Variants in SVOPL observed in about 807,000 individuals in gnomAD.
The protein encoded by SVOPL is SVOP like, also known as putative transporter SVOPL.
In SVOPL, 60 loss-of-function variants were observed where a neutral mutation model predicts 61.0. The observed-to-expected ratio is 0.98, with a 90% confidence interval of 0.80 to 1.22. SVOPL has a LOEUF of 1.22. SVOPL is among the 50% of genes most tolerant of loss of function. The pLI is 0.00. For missense variants in SVOPL, 662 were observed against 643.9 expected (o/e 1.03, Z -0.30); for synonymous variants, 279 against 250.0 (o/e 1.12, Z -1.09).
intron 14 of SVOPL, among the ~76,000 whole-genome samples, chr7:138,616,352 T>TC (rs1584785341): frequency 6.6e-6 from 1 of 151,628 alleles, no homozygotes; most frequent in Non-Finnish European, 1.5e-5. Flanking sequence ...TTTTTTTTTT[T>TC]TGAGATGGAG....
chr7:138,642,842 AAAAAAAAAG>A (rs1177377883), intron 9 of SVOPL, among the ~76,000 whole-genome samples: 332 of 17,604 alleles, frequency 0.019, 4 homozygotes, highest in Admixed American at 0.034. Context: ...AAAAAAAAAA[AAAAAAAAAG>A]AAGAAACAAA....
chr7:138,603,164 G>A (rs1798603411), intron 14 of SVOPL, among the ~76,000 whole-genome samples: 1 of 152,074 alleles, frequency 6.6e-6, no homozygotes, highest in African/African-American at 2.4e-5. Flanking sequence ...ATTATCTCTG[G>A]CAATAAATTA....
intron 1 of SVOPL, among the ~76,000 whole-genome samples, chr7:138,683,998 A>T (rs1802752197): frequency 6.6e-6 from 1 of 150,916 alleles, no homozygotes; most frequent in Non-Finnish European, 1.5e-5. Flanking sequence ...GGTTGCAGTG[A>T]GCCGAAATCA....
At chr7:138,699,172 G>A (rs1234546207) in intron 1 of SVOPL, among the ~76,000 whole-genome samples, 3 of 151,570 alleles carry the variant, frequency 2.0e-5, no homozygotes, top group Non-Finnish European at 2.9e-5. Flanking sequence ...GCTGGGTGTG[G>A]TAGCGGGTGT....
intron 14 of SVOPL, among the ~76,000 whole-genome samples, chr7:138,599,534 T>C (rs893960872): frequency 4.6e-5 from 7 of 152,196 alleles, no homozygotes; most frequent in Admixed American, 3.3e-4. Context: ...TGCTTTTTCA[T>C]TGTTTTGTTG....
intron 14 of SVOPL, 137 bp from the exon 15 acceptor site, chr7:138,596,667 C>A (rs905250808): frequency 1.4e-6 from 2 of 1,399,812 alleles, no homozygotes; most frequent in Admixed American, 2.8e-5. Context: ...ACCTTCCTGA[C>A]AAATTGATTT....
At chr7:138,615,476 G>C (rs1799250725) in intron 14 of SVOPL, among the ~76,000 whole-genome samples, 1 of 147,466 alleles carries the variant, frequency 6.8e-6, no homozygotes, top group Admixed American at 6.9e-5. Context: ...AGAATGGCGT[G>C]AATCAGGAGG....
chr7:138,616,711 T>A (rs995958499), intron 14 of SVOPL, among the ~76,000 whole-genome samples: 3 of 152,200 alleles, frequency 2.0e-5, no homozygotes, highest in Non-Finnish European at 4.4e-5. Flanking sequence ...ACTACTATTA[T>A]TTTTTACTAT....
rs140563076 is a variant in SVOPL, at chr7:138,657,816, TAAG to T, written c.471-1308_471-1306del. ...TGCTTTGACATCTCCTAACATATTT[TAAG>T]AATAATCTCCTCCAAGGCACCAAGA... On this transcript the variant is annotated intron_variant, in intron 6 of 15. Transcript: ENST00000674285. Among the ~76,000 whole-genome samples the T allele has an allele frequency of 6.5e-3, 986 of 152,274 alleles. 20 individuals carry two copies. Among genetic ancestry groups the T allele is most frequent in the African/African-American group, 0.022 (919 of 41,542 alleles).
At chr7:138,686,623 T>G in intron 1 of SVOPL, among the ~76,000 whole-genome samples, 1 of 73,526 alleles carries the variant, frequency 1.4e-5, no homozygotes, top group African/African-American at 7.8e-5. Context: ...TGCAGTGCAA[T>G]GGCGTGGTCC....
chr7:138,627,234 A>G, intron 12 of SVOPL, 116 bp downstream of exon 12: 2 of 729,190 alleles, frequency 2.7e-6, no homozygotes, highest in South Asian at 1.8e-5. Context: ...CAAGCAGCCC[A>G]TTCTCTACTC....
intron 1 of SVOPL, among the ~76,000 whole-genome samples, chr7:138,694,201 G>A (rs1022984866): frequency 2.0e-5 from 3 of 152,206 alleles, no homozygotes; most frequent in East Asian, 1.9e-4. Context: ...AGTCAAACAC[G>A]TATACAACGA....
intron 3 of SVOPL, among the ~76,000 whole-genome samples, chr7:138,673,908 G>A (rs1802490481): frequency 6.6e-6 from 1 of 152,170 alleles, no homozygotes; most frequent in African/African-American, 2.4e-5. Flanking sequence ...GGACTGACCA[G>A]GCGAGGTGGC....
At chr7:138,638,722 G>A (rs1800627404) in intron 9 of SVOPL, among the ~76,000 whole-genome samples, 1 of 152,164 alleles carries the variant, frequency 6.6e-6, no homozygotes, top group Non-Finnish European at 1.5e-5. Context: ...CCAGTTACCA[G>A]ATAAAGGTAA....
chr7:138,608,694 C>A (rs1798863789), intron 14 of SVOPL, among the ~76,000 whole-genome samples: 1 of 152,062 alleles, frequency 6.6e-6, no homozygotes, highest in Admixed American at 6.6e-5. Flanking sequence ...GTACACTCCC[C>A]CCCCTTGCCC....
In SVOPL at chr7:138,609,329, G is replaced by A. The variant is rs115416213; in HGVS notation, c.1353+11717C>T. 6.3e-3 allele frequency among the ~76,000 whole-genome samples: 954 copies of A among 152,132 alleles called. 9 individuals are homozygous for A. The highest frequency in any genetic ancestry group is 0.022 in the African/African-American group (914 of 41,526). The stretch of plus-strand genomic sequence containing the variant: ...TCCAATTTCTAGGGATTCACCCTAA[G>A]GAGATAATTGCACAATTGGATAAAA... On this transcript the variant is annotated intron_variant, in intron 14 of 15. Coordinates refer to ENST00000674285, the MANE Select transcript of SVOPL (RefSeq NM_001139456.2).
chr7:138,659,040 A>G (rs768240615), intron 6 of SVOPL, among the ~76,000 whole-genome samples: 1 of 152,034 alleles, frequency 6.6e-6, no homozygotes, highest in African/African-American at 2.4e-5. Context: ...ATCAACGCAG[A>G]CCTTAAGTCT....
rs1171857928 is a variant in SVOPL, at chr7:138,649,070, C to G, written c.602G>C (p.Trp201Ser). ...LASVIIPTIG[W>S]RWLIRVASIP... ...GGAGGCGACGCGAATGAGCCAGCGC[C>G]ACCCGATGGTGGGGATGATCACAGA... The change falls in exon 8 of 16, where the codon TGG (tryptophan) becomes TCG (serine). Residue 201 changes from tryptophan (W) to serine (S), a missense_variant. Physicochemically the swap from Trp to Ser is radical, Grantham distance 177. Coordinates refer to ENST00000674285, the MANE Select transcript of SVOPL (RefSeq NM_001139456.2). The G allele has an allele frequency of 6.2e-7, 1 of 1,613,862 alleles. No individual in the cohort carries two copies. Among genetic ancestry groups the G allele is most frequent in the South Asian group, 1.1e-5 (1 of 91,056 alleles).
At chr7:138,681,818 A>G (rs1802707583) in intron 1 of SVOPL, among the ~76,000 whole-genome samples, 1 of 152,100 alleles carries the variant, frequency 6.6e-6, no homozygotes, top group South Asian at 2.1e-4. Flanking sequence ...GTGAGACTCC[A>G]TCTCAAAAAA....
Sources: gnomAD v4.1 joint callset for allele counts (sites outside exome capture counted in the v4.1 genomes callset) on GRCh38, gnomAD v4.1.1 for gene constraint, MANE v1.5 for transcripts, NCBI Gene and HGNC (gene_info 2026-07-23, HGNC 2026-07-21) for gene names.